Variants in PRKD1 observed in about 807,000 individuals in gnomAD.
PRKD1 encodes serine/threonine-protein kinase D1.
In PRKD1, 63 loss-of-function variants were observed where a neutral mutation model predicts 95.9. The ratio of observed to expected loss-of-function variants is 0.66; its 90% confidence interval spans 0.54 to 0.81. The LOEUF (loss-of-function observed/expected upper bound fraction) is 0.81. PRKD1 is among the 30% of genes least tolerant of loss of function. The pLI, the probability that PRKD1 is intolerant of heterozygous loss-of-function variation, is 0.00. For synonymous variants in PRKD1, 425 were observed against 423.1 expected (o/e 1.00, Z -0.05); for missense variants, 1,048 against 1,165.3 (o/e 0.90, Z 1.47).
At chr14:29,632,585 T>A (rs983442090) in intron 9 of PRKD1, among the ~76,000 whole-genome samples, 1 of 152,170 alleles carries the variant, frequency 6.6e-6, no homozygotes, top group African/African-American at 2.4e-5. Context: ...TAAATCACAC[T>A]TCTCTGCTAA....
In PRKD1 at chr14:29,630,766, C is replaced by T. The variant is rs755213384; in HGVS notation, c.1648G>A (p.Val550Met). 3.0e-5 allele frequency: 49 copies of T among 1,613,888 alleles called. No individual in the cohort carries two copies. Among genetic ancestry groups the T allele is most frequent in the Middle Eastern group, 3.3e-4 (2 of 6,084 alleles). Residue 550 changes from valine (V) to methionine (M), a missense_variant, in exon 10 of 18, where the codon GTG becomes ATG. Transcript: ENST00000331968. ...LMPVIPKGSS[V>M]GTGTNLHRDI... ...CTGTGCAAGTTGGTTCCTGTACCCA[C>T]GGAGGAGCCCTTGGGAATGACGGGC...
chr14:29,911,546 C>T (rs1191220991), intron 1 of PRKD1, among the ~76,000 whole-genome samples: 5 of 152,024 alleles, frequency 3.3e-5, no homozygotes, highest in Non-Finnish European at 1.5e-5. Flanking sequence ...CAAATAAAAG[C>T]ATATTTGAAT....
chr14:29,708,792 G>C (rs1305446019), intron 2 of PRKD1, among the ~76,000 whole-genome samples: 1 of 152,126 alleles, frequency 6.6e-6, no homozygotes, highest in East Asian at 1.9e-4. Flanking sequence ...GAGACCAGGA[G>C]GTAGAGGCTA....
chr14:29,920,245 T>C (rs1895055054), intron 1 of PRKD1, among the ~76,000 whole-genome samples: 1 of 152,156 alleles, frequency 6.6e-6, no homozygotes, highest in African/African-American at 2.4e-5. Flanking sequence ...AGTCTCATTT[T>C]CAAAATCACT....
Position 29,924,340 on chromosome 14 carries a change from C to G in PRKD1, c.264+2909G>C, listed in dbSNP as rs1895224092. 2.0e-5 allele frequency among the ~76,000 whole-genome samples: 3 copies of G among 152,200 alleles called. No individual in the cohort carries two copies. The South Asian group carries it at 6.2e-4, about 32-fold the overall frequency. On this transcript the variant is annotated intron_variant, in intron 1 of 17. Coordinates refer to ENST00000331968, the MANE Select transcript of PRKD1 (RefSeq NM_002742.3). ...ACCATCACAATGTTTCAAGTACAAT[C>G]GTGTCTGCTACATAATTAGAGAACA...
chr14:29,788,203 T>G (rs1196910451), intron 1 of PRKD1, among the ~76,000 whole-genome samples: 4 of 152,178 alleles, frequency 2.6e-5, no homozygotes, highest in African/African-American at 9.6e-5. Context: ...TGTTCTTAGC[T>G]GTCATTGTTT....
At chr14:29,671,987 C>T (rs1186338670) in intron 2 of PRKD1, among the ~76,000 whole-genome samples, 1 of 152,106 alleles carries the variant, frequency 6.6e-6, no homozygotes, top group Non-Finnish European at 1.5e-5. Context: ...CAGAAATCTA[C>T]CCTATGTATA....
chr14:29,645,206 A>C (rs1404122022), intron 4 of PRKD1, among the ~76,000 whole-genome samples: 1 of 152,174 alleles, frequency 6.6e-6, no homozygotes, highest in Non-Finnish European at 1.5e-5. Context: ...AACAAGAATA[A>C]TCAAACAGTA....
At chr14:29,600,233 C>T (rs1201877316) in intron 13 of PRKD1, among the ~76,000 whole-genome samples, 3 of 152,060 alleles carry the variant, frequency 2.0e-5, no homozygotes, top group African/African-American at 4.8e-5. Flanking sequence ...TGTAGTGCAT[C>T]GGGCCATGCA....
intron 1 of PRKD1, among the ~76,000 whole-genome samples, chr14:29,870,281 T>G (rs909417102): frequency 1.3e-5 from 2 of 152,180 alleles, no homozygotes; most frequent in East Asian, 3.8e-4. Flanking sequence ...AGTTTTTGTT[T>G]GCAAACTGTC....
chr14:29,899,602 A>G (rs543305910), intron 1 of PRKD1, among the ~76,000 whole-genome samples: 1 of 152,320 alleles, frequency 6.6e-6, no homozygotes, highest in Non-Finnish European at 1.5e-5. Context: ...AGCTGAAATC[A>G]CGCCACTGCA....
At chr14:29,775,039 T>C (rs1566593146) in intron 1 of PRKD1, among the ~76,000 whole-genome samples, 1 of 152,034 alleles carries the variant, frequency 6.6e-6, no homozygotes, top group African/African-American at 2.4e-5. Flanking sequence ...CATTTAGTAA[T>C]AGTTTGGATA....
chr14:29,926,034 A>T (rs1233646029), intron 1 of PRKD1, among the ~76,000 whole-genome samples: 1 of 152,196 alleles, frequency 6.6e-6, no homozygotes, highest in Non-Finnish European at 1.5e-5. Flanking sequence ...CGTAATATAA[A>T]AGTAAATTTC....
intron 12 of PRKD1, 133 bp from the exon 13 acceptor site, chr14:29,624,391 C>G: frequency 2.0e-6 from 1 of 507,326 alleles, no homozygotes; most frequent in Non-Finnish European, 3.4e-6. Flanking sequence ...CTAAAGAGCA[C>G]TGACTTACAT....
intron 1 of PRKD1, among the ~76,000 whole-genome samples, chr14:29,802,769 G>A (rs1890087183): frequency 6.6e-6 from 1 of 152,148 alleles, no homozygotes; most frequent in Non-Finnish European, 1.5e-5. Context: ...AATTCCTTAT[G>A]TTTCAATTCT....
At chr14:29,713,571 T>A (rs1885441648) in intron 2 of PRKD1, among the ~76,000 whole-genome samples, 1 of 152,214 alleles carries the variant, frequency 6.6e-6, no homozygotes, top group South Asian at 2.1e-4. Context: ...CATTTCATTA[T>A]ATTTTGTATG....
intron 1 of PRKD1, among the ~76,000 whole-genome samples, chr14:29,767,848 T>C (rs1401803943): frequency 2.0e-5 from 3 of 152,198 alleles, no homozygotes; most frequent in Non-Finnish European, 4.4e-5. Context: ...TTGTAAATGA[T>C]AGATTTTTTA....
chr14:29,776,834 CA>C (rs1173221096), intron 1 of PRKD1, among the ~76,000 whole-genome samples: 3 of 152,068 alleles, frequency 2.0e-5, no homozygotes, highest in African/African-American at 7.2e-5. Context: ...CTCCAAGACA[CA>C]TAATTGTCAG....
At chr14:29,820,698 T>C (rs1279831236) in intron 1 of PRKD1, among the ~76,000 whole-genome samples, 1 of 152,194 alleles carries the variant, frequency 6.6e-6, no homozygotes, top group African/African-American at 2.4e-5. Context: ...AGATGCTGAA[T>C]GGCCTTGTAT....
Sources: allele counts gnomAD v4.1 joint callset (sites outside exome capture counted in the v4.1 genomes callset), GRCh38; gene constraint gnomAD v4.1.1; transcripts MANE v1.5; gene names NCBI Gene and HGNC (gene_info 2026-07-23, HGNC 2026-07-21).